The following DNAH6 variants were observed in gnomAD, a reference collection of about 807,000 sequenced individuals.
DNAH6 encodes axonemal beta dynein heavy chain 6.
DNAH6 carries 340 observed loss-of-function variants against 491.4 expected under a neutral mutation model. The ratio of observed to expected loss-of-function variants is 0.69; its 90% CI spans 0.63 to 0.76. The LOEUF is 0.76. Ranked by LOEUF, DNAH6 falls within the 30% of genes least tolerant of loss-of-function variation. DNAH6 has a pLI of 0.00. For synonymous variants in DNAH6, 1,603 were observed against 1,686.1 expected (o/e 0.95, Z 1.21); for missense variants, 4,443 against 4,972.2 (o/e 0.89, Z 3.20).
At chr2:84,540,181 A>G (rs530978614) in intron 4 of DNAH6, among the ~76,000 whole-genome samples, 2 of 152,300 alleles carry the variant, frequency 1.3e-5, no homozygotes, top group East Asian at 3.9e-4. Flanking sequence ...AGGAGGTAAC[A>G]GGGAACAAAG....
intron 64 of DNAH6, among the ~76,000 whole-genome samples, chr2:84,771,045 T>C (rs1209899179): frequency 6.6e-6 from 1 of 151,532 alleles, no homozygotes; most frequent in Non-Finnish European, 1.5e-5. Context: ...TCCCAGTACT[T>C]TGGGAGGCCA....
chr2:84,651,146 C>G (rs1294456339), intron 33 of DNAH6, among the ~76,000 whole-genome samples: 1 of 152,138 alleles, frequency 6.6e-6, no homozygotes, highest in African/African-American at 2.4e-5. Context: ...CAAGGGAAGA[C>G]AGCTTTATTA....
chr2:84,775,750 G>T (rs78587480), intron 64 of DNAH6, among the ~76,000 whole-genome samples: 5,631 of 152,138 alleles, frequency 0.037, 121 homozygotes, highest in Middle Eastern at 0.095. Flanking sequence ...TCTTGGGTGT[G>T]TCTCCAGAAA....
chr2:84,615,045 C>CT (rs57147317), intron 22 of DNAH6, among the ~76,000 whole-genome samples: 27,132 of 151,856 alleles, frequency 0.18, 4,529 homozygotes, highest in African/African-American at 0.44. Context: ...ATTTATCTTT[C>CT]TTTTGTTGCA....
the DNAH6 span, among the ~76,000 whole-genome samples, chr2:84,502,921 C>G: frequency 1.3e-5 from 2 of 152,176 alleles, no homozygotes; most frequent in Middle Eastern, 6.8e-3. Context: ...AGCAATGGAT[C>G]AATGGGTCAT....
intron 59 of DNAH6, among the ~76,000 whole-genome samples, chr2:84,721,544 A>G (rs1192338): frequency 0.3 from 45,900 of 152,052 alleles, 7,800 homozygotes; most frequent in African/African-American, 0.47. Context: ...ATTAAGATGT[A>G]TTGGTAGTGT....
At position 84,715,608 on chromosome 2, in the gene DNAH6, C is replaced by T; in HGVS notation, c.9592C>T (p.Leu3198=). ...IINFTVTKSG[L]EDQLLSDVVR... ...CAATTTCACTGTAACAAAATCAGGCCTGGAGGATCAGTTGTTAAGGTAAAA... is the reference window on the plus strand; with the variant it reads ...CAATTTCACTGTAACAAAATCAGGCTTGGAGGATCAGTTGTTAAGGTAAAA... Residue 3198 remains leucine (L), a synonymous_variant, in exon 58 of 77, where the codon CTG becomes TTG. Transcript: ENST00000389394. 6.4e-7 allele frequency: 1 copy of T among 1,551,346 alleles called. No homozygotes were observed. The highest frequency in any genetic ancestry group is 8.7e-7 in the Non-Finnish European group (1 of 1,146,850).
intron 60 of DNAH6, among the ~76,000 whole-genome samples, chr2:84,727,095 C>G (rs748610024): frequency 5.7e-4 from 87 of 152,164 alleles, no homozygotes; most frequent in Non-Finnish European, 1.1e-3. Context: ...CATGAGCTTA[C>G]CTTGCTCTTA....
the DNAH6 span, among the ~76,000 whole-genome samples, chr2:84,511,042 G>A: frequency 1.3e-5 from 2 of 152,202 alleles, no homozygotes; most frequent in African/African-American, 4.8e-5. Context: ...TGAGGAGGCA[G>A]TCTGTCCATT....
chr2:84,672,540 T>C (rs1692835599), intron 40 of DNAH6, 56 bp downstream of exon 40: 3 of 1,471,580 alleles, frequency 2.0e-6, no homozygotes, highest in Middle Eastern at 1.7e-4. Context: ...CAAGGAAATA[T>C]GATGTATAGT....
chr2:84,549,939 C>G lies in DNAH6; in HGVS notation c.1367C>G (p.Thr456Arg), dbSNP rs758124840. 2 of 1,613,722 alleles carry G rather than the reference C, an allele frequency of 1.2e-6. No homozygotes were observed. The highest frequency in any genetic ancestry group is 1.7e-6 in the Non-Finnish European group (2 of 1,179,832). ...YLIENTMHIL[T>R]VNAVNSLLNH... is the part of the protein sequence containing the mutation. ...ATTGAGAACACAATGCACATCTTAA[C>G]GGTAAATGCTGTTAATTCGCTTTTG... is the stretch of plus-strand genomic sequence containing the variant. The change falls in exon 9 of 77, where the codon ACG becomes AGG. Residue 456 changes from threonine (T) to arginine (R), a missense_variant. By Grantham distance (71) the Thr-to-Arg change is moderately conservative. This residue lies in a region of DNAH6 where 2,977 missense variants were observed against 3,296.6 expected (regional missense o/e 0.90). Coordinates refer to ENST00000389394, the MANE Select transcript of DNAH6 (RefSeq NM_001370.2).
At chr2:84,793,578 G>A (rs17025556) in intron 68 of DNAH6, among the ~76,000 whole-genome samples, 34,274 of 152,044 alleles carry the variant, frequency 0.23, 4,613 homozygotes, top group African/African-American at 0.4. Flanking sequence ...CTTCAAGTCC[G>A]ACCATATTAG....
chr2:84,722,660 A>T lies in DNAH6; in HGVS notation c.9828A>T (p.Glu3276Asp). 6.4e-7 allele frequency: 1 copy of T among 1,550,470 alleles called. No individual in the cohort carries two copies. The highest frequency in any genetic ancestry group is 8.7e-7 in the Non-Finnish European group (1 of 1,146,632). ...TSGAIKTRLE[E>D]AESTEQMINV... ...GTGCCATTAAAACCAGGCTGGAAGA[A>T]GCAGAGTCCACTGAGCAGATGATCA... The change falls in exon 60 of 77, where the codon GAA becomes GAT. Residue 3276 changes from glutamate (E) to aspartate (D), a missense_variant. Transcript: ENST00000389394.
In DNAH6 at chr2:84,573,481, C is replaced by A. The variant is rs11891970; in HGVS notation, c.1818C>A (p.Ala606=). 1,489,629 of 1,577,730 alleles carry A rather than the reference C, an allele frequency of 0.94. 703,947 individuals carry two copies. The highest frequency in any genetic ancestry group is 1 in the East Asian group (43,245 of 43,298). Residue 606 remains alanine, a synonymous_variant, in exon 12 of 77, where the codon GCC becomes GCA. Coordinates refer to ENST00000389394, the MANE Select transcript of DNAH6 (RefSeq NM_001370.2). ...ATAACATTTAGGAAACCATTCAGGC[C>A]GCATTTGAATCAGCCCGCATCTATG... ...IISQIKETIQ[A]AFESARIYAA...
the DNAH6 span, among the ~76,000 whole-genome samples, chr2:84,476,136 A>T: frequency 6.6e-6 from 1 of 152,256 alleles, no homozygotes; most frequent in Non-Finnish European, 1.5e-5. Context: ...TTAATCTATT[A>T]TCAAGAGAAA....
chr2:84,480,995 C>T, the DNAH6 span, among the ~76,000 whole-genome samples: 3 of 151,784 alleles, frequency 2.0e-5, no homozygotes, highest in African/African-American at 7.3e-5. Flanking sequence ...GTCGTGAGGG[C>T]TTATCTCACT....
At chr2:84,595,294 T>C (rs2104176799) in intron 17 of DNAH6, among the ~76,000 whole-genome samples, 1 of 152,310 alleles carries the variant, frequency 6.6e-6, no homozygotes, top group Admixed American at 6.5e-5. Context: ...TTAAAATATG[T>C]ATGTTAAACA....
At chr2:84,772,331 A>C (rs1323801265) in intron 64 of DNAH6, among the ~76,000 whole-genome samples, 1 of 152,144 alleles carries the variant, frequency 6.6e-6, no homozygotes, top group African/African-American at 2.4e-5. Flanking sequence ...TCAGAGAAGT[A>C]AATTCTTCCT....
chr2:84,541,006 T>G (rs1678190425), intron 4 of DNAH6, among the ~76,000 whole-genome samples: 1 of 152,218 alleles, frequency 6.6e-6, no homozygotes. Flanking sequence ...GTTGAATTTT[T>G]AAAAAGTTTT....
Sources: gnomAD v4.1 joint callset for allele counts (sites outside exome capture counted in the v4.1 genomes callset) on GRCh38, gnomAD v4.1.1 for gene constraint, gnomAD v4.1.1 regional missense constraint, MANE v1.5 for transcripts, NCBI Gene and HGNC (gene_info 2026-07-23, HGNC 2026-07-21) for gene names.